ARL15: variants seen among roughly 807,000 people sequenced by gnomAD.
ARL15 encodes ARF like GTPase 15.
Under a neutral mutation model 25.2 loss-of-function variants are expected in ARL15, and 19 were observed. The ratio of observed to expected loss-of-function variants is 0.75; its 90% CI spans 0.53 to 1.10. The LOEUF (loss-of-function observed/expected upper bound fraction) is 1.10. Among genes scored for constraint, ARL15 ranks in the 50% least tolerant of loss-of-function variants. ARL15 has a pLI of 0.00. For synonymous variants in ARL15, 94 were observed against 86.8 expected (o/e 1.08, Z -0.46); for missense variants, 220 against 246.0 (o/e 0.89, Z 0.71).
chr5:54,068,524 T>G (rs1751317722), intron 4 of ARL15, among the ~76,000 whole-genome samples: 1 of 152,180 alleles, frequency 6.6e-6, no homozygotes, highest in African/African-American at 2.4e-5. Context: ...GTTGGAAGAA[T>G]GAAAGACTGT....
At chr5:54,101,959 T>A (rs1752450806) in intron 4 of ARL15, among the ~76,000 whole-genome samples, 2 of 152,092 alleles carry the variant, frequency 1.3e-5, no homozygotes, top group South Asian at 4.1e-4. Flanking sequence ...TTTAAATAAT[T>A]CAAATATTTA....
intron 1 of ARL15, among the ~76,000 whole-genome samples, chr5:54,178,609 C>T (rs1402112389): frequency 6.6e-6 from 1 of 152,192 alleles, no homozygotes; most frequent in East Asian, 1.9e-4. Context: ...ACATAGTTGG[C>T]TTCCAAACCA....
intron 3 of ARL15, among the ~76,000 whole-genome samples, chr5:54,126,427 T>C (rs1753253776): frequency 6.6e-6 from 1 of 152,236 alleles, no homozygotes; most frequent in Non-Finnish European, 1.5e-5. Context: ...TAAGTCATTC[T>C]TTACCCCTTA....
intron 4 of ARL15, among the ~76,000 whole-genome samples, chr5:53,898,758 C>G (rs1192320751): frequency 6.6e-6 from 1 of 151,720 alleles, no homozygotes; most frequent in Non-Finnish European, 1.5e-5. Flanking sequence ...TAGCCTGGAA[C>G]CTTCCAACCT....
At chr5:54,025,459 T>C (rs543602085) in intron 4 of ARL15, among the ~76,000 whole-genome samples, 1 of 152,322 alleles carries the variant, frequency 6.6e-6, no homozygotes, top group South Asian at 2.1e-4. Context: ...GCTGGACTGA[T>C]AAAGAACCTG....
chr5:54,164,167 C>T (rs1044517890), intron 2 of ARL15, among the ~76,000 whole-genome samples: 7 of 151,370 alleles, frequency 4.6e-5, no homozygotes, highest in Non-Finnish European at 1.0e-4. Flanking sequence ...TTTGTAAATA[C>T]TTGAGATTTT....
intron 2 of ARL15, among the ~76,000 whole-genome samples, chr5:54,158,680 C>T (rs1285483163): frequency 1.3e-5 from 2 of 152,150 alleles, no homozygotes; most frequent in Non-Finnish European, 2.9e-5. Flanking sequence ...TGAGACCAGC[C>T]TGGCCAAGAT....
At chr5:54,305,374 C>A (rs1209935376) in intron 1 of ARL15, among the ~76,000 whole-genome samples, 1 of 152,018 alleles carries the variant, frequency 6.6e-6, no homozygotes, top group Non-Finnish European at 1.5e-5. Flanking sequence ...GTGGTGGGCA[C>A]CTGTAATCCC....
At chr5:54,211,853 T>G (rs1756052343) in intron 1 of ARL15, among the ~76,000 whole-genome samples, 2 of 151,868 alleles carry the variant, frequency 1.3e-5, no homozygotes, top group South Asian at 4.2e-4. Context: ...TAAAGAGGAG[T>G]AGATAAAGTC....
chr5:53,985,907 G>A (rs556927366), intron 4 of ARL15, among the ~76,000 whole-genome samples: 25 of 152,120 alleles, frequency 1.6e-4, no homozygotes, highest in African/African-American at 4.3e-4. Flanking sequence ...TGACTTTCTC[G>A]TTTTCAGACA....
chr5:53,938,710 C>G (rs980052703), intron 4 of ARL15, among the ~76,000 whole-genome samples: 4 of 152,236 alleles, frequency 2.6e-5, no homozygotes, highest in African/African-American at 9.6e-5. Context: ...CCTCTAGGCA[C>G]ATGTTACTTG....
At chr5:54,289,667 T>C (rs542455485) in intron 1 of ARL15, among the ~76,000 whole-genome samples, 29 of 152,302 alleles carry the variant, frequency 1.9e-4, no homozygotes, top group Middle Eastern at 3.4e-3. Context: ...ATCCCAGCCA[T>C]ACAACTTACT....
chr5:54,195,025 T>A (rs1457151808), intron 1 of ARL15, among the ~76,000 whole-genome samples: 1 of 152,224 alleles, frequency 6.6e-6, no homozygotes, highest in East Asian at 1.9e-4. Context: ...ATTCAGGATG[T>A]TTATTTACTC....
At chr5:54,215,627 G>T (rs577606849) in intron 1 of ARL15, among the ~76,000 whole-genome samples, 1 of 142,162 alleles carries the variant, frequency 7.0e-6, no homozygotes, top group African/African-American at 2.5e-5. Context: ...AAGGGGGGAG[G>T]GGGGGAAAAA....
At chr5:54,227,017 C>T (rs2112544702) in intron 1 of ARL15, among the ~76,000 whole-genome samples, 1 of 152,266 alleles carries the variant, frequency 6.6e-6, no homozygotes, top group Middle Eastern at 3.4e-3. Context: ...ACATCCCTTG[C>T]TTTTCCCCCA....
At chr5:54,248,944 T>C (rs781531784) in intron 1 of ARL15, among the ~76,000 whole-genome samples, 1 of 152,160 alleles carries the variant, frequency 6.6e-6, no homozygotes, top group Admixed American at 6.5e-5. Flanking sequence ...GGCTCACGCC[T>C]GTAATCCCAG....
At position 54,175,965 on chromosome 5, in the gene ARL15, T is replaced by A. The variant is rs922294395; in HGVS notation, c.49-4037A>T. 2.6e-5 allele frequency among the ~76,000 whole-genome samples: 4 copies of A among 152,140 alleles called. No homozygotes were observed. The South Asian group carries it at 8.3e-4, about 32-fold the overall frequency. On this transcript the variant is annotated intron_variant, in intron 1 of 4. Transcript: ENST00000504924. ...CTGAGCCTGGTCTCTCTTCCCTTTT[T>A]ATATTCTCACCAGTGATATCATCTC...
chr5:54,151,681 C>T (rs1372419431), intron 3 of ARL15, among the ~76,000 whole-genome samples: 1 of 151,916 alleles, frequency 6.6e-6, no homozygotes, highest in African/African-American at 2.4e-5. Context: ...CATATATATT[C>T]ACACACAAAC....
At chr5:54,171,354 T>G (rs1754712690) in intron 2 of ARL15, among the ~76,000 whole-genome samples, 1 of 152,182 alleles carries the variant, frequency 6.6e-6, no homozygotes, top group African/African-American at 2.4e-5. Flanking sequence ...TTGCACTGAC[T>G]TTCCTCCAGG....
Sources: gnomAD v4.1 joint callset for allele counts (sites outside exome capture counted in the v4.1 genomes callset) on GRCh38, gnomAD v4.1.1 for gene constraint, MANE v1.5 for transcripts, NCBI Gene and HGNC (gene_info 2026-07-23, HGNC 2026-07-21) for gene names.